The following COL20A1 variants were observed in gnomAD, a reference collection of about 807,000 sequenced individuals.
COL20A1 encodes the protein collagen alpha-1(XX) chain.
In COL20A1, 164 loss-of-function variants were observed where a neutral mutation model predicts 152.9. That is an observed-to-expected ratio of 1.07 (90% CI 0.94 to 1.22). The LOEUF (loss-of-function observed/expected upper bound fraction) is 1.22, where lower values mean the gene tolerates loss of function less well. Ranked by LOEUF, COL20A1 falls within the 50% of genes most tolerant of loss-of-function variation. The pLI is 0.00. For missense variants in COL20A1, 1,873 were observed against 1,744.8 expected (o/e 1.07, Z -1.31); for synonymous variants, 864 against 756.0 (o/e 1.14, Z -2.34).
rs372046790 is a variant in COL20A1 at position 63,329,617 on chromosome 20, C to T, written c.3814C>T (p.Pro1272Ser). 1 of 1,607,714 alleles carries T rather than the reference C, an allele frequency of 6.2e-7. No homozygotes were observed. The highest frequency in any genetic ancestry group is 8.5e-7 in the Non-Finnish European group (1 of 1,178,738). Residue 1272 changes from proline (P) to serine (S), a missense_variant, in exon 35 of 36, where the codon CCT becomes TCT. Coordinates refer to ENST00000358894, the MANE Select transcript of COL20A1 (RefSeq NM_020882.4). The part of the protein sequence containing the change: ...EPGAVGQMGS[P>S]GQQGASTQGL... ...TGGAGCTGTTGGTCAGATGGGCAGC[C>T]CTGGGCAGCAGGGGGCTAGCACCCA...
intron 31 of COL20A1, chr20:63,327,725 C>T: frequency 1.7e-6 from 1 of 587,320 alleles, no homozygotes; most frequent in Middle Eastern, 4.6e-4. Context: ...CAAGTTCCAG[C>T]CCCACTCAGG....
At chr20:63,315,582 G>T in intron 20 of COL20A1, 143 bp downstream of exon 20, 1 of 728,852 alleles carries the variant, frequency 1.4e-6, no homozygotes, top group East Asian at 2.8e-5. Flanking sequence ...CTCCACAGAC[G>T]TCCCTGTGGC....
chr20:63,330,246 A>T (rs1003860250), intron 35 of COL20A1, among the ~76,000 whole-genome samples: 15 of 152,126 alleles, frequency 9.9e-5, no homozygotes, highest in African/African-American at 3.6e-4. Context: ...TCCCAGGAGC[A>T]GGTGGTGGGT....
At chr20:63,294,656 G>A (rs1370348338) in intron 1 of COL20A1, among the ~76,000 whole-genome samples, 1 of 152,148 alleles carries the variant, frequency 6.6e-6, no homozygotes, top group Non-Finnish European at 1.5e-5. Context: ...GCGAGGCTGG[G>A]GCCACAGGGA....
rs368051930 is a variant in COL20A1, at chr20:63,311,589, G to A, written c.1540-36G>A. On this transcript the variant is annotated intron_variant, in intron 12 of 35. Transcript: ENST00000358894. This position sits in a 1 kb window ranked among gnomAD's most constrained non-coding sequence, Gnocchi z 4.4. ...GGGAGGCAGAGGAGTGGGGCAGAGC[G>A]AGTGGGGGCTGGCCTGGGACGTCAT... 1.6e-5 allele frequency: 25 copies of A among 1,610,332 alleles called. No homozygotes were observed. Among genetic ancestry groups the A allele is most frequent in the East Asian group, 2.2e-5 (1 of 44,868 alleles).
chr20:63,328,185 C>G lies in COL20A1; in HGVS notation c.3613+58C>G, dbSNP rs1157504996. ...CAGCCCTGCACCTGTGCCTACCACA[C>G]CTGTCTGTCCTCACACTGGCCAGGC... is the stretch of plus-strand genomic sequence containing the variant. On this transcript the variant is annotated intron_variant, in intron 33 of 35. Coordinates refer to ENST00000358894, the MANE Select transcript of COL20A1 (RefSeq NM_020882.4). 3 of 1,596,926 alleles carry G rather than the reference C, an allele frequency of 1.9e-6. No homozygotes were observed. The African/African-American group carries it at 4.0e-5, about 21-fold the overall frequency.
rs377269171 is a variant in COL20A1 at position 63,325,331 on chromosome 20, G to A, written c.3295-110G>A. ...GTCCTGGAGGCCAGCAGGGCTCGCCGGGGACCCAGGGCCGTGCAGTCCAGG... is the reference window on the plus strand; with the variant it reads ...GTCCTGGAGGCCAGCAGGGCTCGCCAGGGACCCAGGGCCGTGCAGTCCAGG... On this transcript the variant is annotated intron_variant, in intron 27 of 35. Coordinates refer to ENST00000358894, the MANE Select transcript of COL20A1 (RefSeq NM_020882.4). The A allele has an allele frequency of 3.3e-4, 278 of 853,888 alleles. 4 individuals are homozygous for A. The highest frequency in any genetic ancestry group is 2.8e-3 in the South Asian group (201 of 71,854). 52.9% of individuals were successfully genotyped at this position (853,888 alleles called of 1,614,324 possible).
intron 31 of COL20A1, chr20:63,327,444 G>A: frequency 5.6e-6 from 1 of 178,172 alleles, no homozygotes; most frequent in Non-Finnish European, 1.2e-5. Context: ...CAGGCTCCAT[G>A]GAGGGTAGGG....
intron 11 of COL20A1, 129 bp downstream of exon 11, chr20:63,310,639 TC>T: frequency 1.9e-6 from 2 of 1,054,572 alleles, no homozygotes; most frequent in South Asian, 1.7e-5. Flanking sequence ...GTTGGCACCA[TC>T]CCCAGCTTGC....
rs1053977313 is a variant in COL20A1, at chr20:63,310,430, C to G, written c.1313C>G (p.Ser438Cys). 11 of 1,610,316 alleles carry G rather than the reference C, an allele frequency of 6.8e-6. No individual in the cohort carries two copies. In the African/African-American group the frequency reaches 1.5e-4, roughly 22 times the overall value. The change falls in exon 11 of 36, where the codon TCC (serine) becomes TGC (cysteine). Residue 438 changes from serine to cysteine, a missense_variant. By Grantham distance (112) the Ser-to-Cys change is moderately radical (BLOSUM62 -1). Transcript: ENST00000358894. The stretch of plus-strand genomic sequence containing the variant: ...TCCACGGAGCTGCACAACCTGGCCT[C>G]CCGCACAGAGTACCTGGTCTCCGTG... ...AASTELHNLA[S>C]RTEYLVSVFP...
At chr20:63,297,334 TCAGGGGACCCAGCC>T (rs1181759793) in intron 2 of COL20A1, among the ~76,000 whole-genome samples, 6 of 146,928 alleles carry the variant, frequency 4.1e-5, no homozygotes, top group East Asian at 4.0e-4. Flanking sequence ...GGGACTTAGC[TCAGGGGACCCAGCC>T]CAGGGGACCC....
intron 3 of COL20A1, among the ~76,000 whole-genome samples, chr20:63,301,129 A>G (rs1432701879): frequency 1.3e-5 from 2 of 152,228 alleles, no homozygotes; most frequent in African/African-American, 4.8e-5. Context: ...ACCCTGTCCA[A>G]CATGGCAAAA....
At position 63,319,687 on chromosome 20, in the gene COL20A1, C is replaced by G. The variant is rs2068133468; in HGVS notation, c.2916+91C>G. 9 of 821,800 alleles carry G rather than the reference C, an allele frequency of 1.1e-5. No individual in the cohort carries two copies. Among genetic ancestry groups the G allele is most frequent in the African/African-American group, 1.7e-5 (1 of 59,058 alleles). The allele number at this position is 821,800 out of a possible 1,614,324, so 50.9% of individuals were successfully genotyped here. ...GACCTGCCGGATGCCAACTCCTCTC[C>G]CTAGGAGAGCAGGACCTTCCTTGGG... On this transcript the variant is annotated intron_variant, in intron 23 of 35. Coordinates refer to ENST00000358894, the MANE Select transcript of COL20A1 (RefSeq NM_020882.4). The surrounding 1 kb of genome is among the most constrained non-coding windows in gnomAD (Gnocchi z 4.4).
intron 26 of COL20A1, 85 bp downstream of exon 26, chr20:63,321,184 T>C: frequency 1.2e-6 from 1 of 859,042 alleles, no homozygotes; most frequent in South Asian, 1.5e-5. Context: ...ACCCAGGCCC[T>C]CCCGCCCCGG....
At position 63,309,003 on chromosome 20, in the gene COL20A1, C is replaced by T. The variant is rs574365043; in HGVS notation, c.940+297C>T. ...AGCAGCTCCAGCTGCCCCCTCTGGC[C>T]ACCATCCCTGTGCCTGGTGACTCCC... is the stretch of plus-strand genomic sequence containing the variant. On this transcript the variant is annotated intron_variant, in intron 8 of 35. Coordinates refer to ENST00000358894, the MANE Select transcript of COL20A1 (RefSeq NM_020882.4). Among the ~76,000 whole-genome samples, 6 of 152,312 alleles carry T rather than the reference C, an allele frequency of 3.9e-5. 1 individual carries two copies. In the South Asian group the frequency reaches 1.2e-3, roughly 32 times the overall value.
chr20:63,322,704 C>T (rs563406437), intron 27 of COL20A1, among the ~76,000 whole-genome samples: 7 of 152,334 alleles, frequency 4.6e-5, no homozygotes, highest in Non-Finnish European at 8.8e-5. Flanking sequence ...AAACATTTAC[C>T]TAAACCACGG....
chr20:63,327,023 CT>C (rs1406940732), intron 31 of COL20A1, among the ~76,000 whole-genome samples, 200 bp downstream of exon 31: 2 of 151,990 alleles, frequency 1.3e-5, no homozygotes, highest in African/African-American at 2.4e-5. Context: ...GTTGACCCCC[CT>C]AGGGACTTCC....
intron 26 of COL20A1, among the ~76,000 whole-genome samples, chr20:63,321,755 G>A (rs559499708): frequency 9.2e-4 from 140 of 152,320 alleles, no homozygotes; most frequent in Non-Finnish European, 1.6e-3. Context: ...GTGACGGCTG[G>A]GGCTTCCAGA....
chr20:63,308,263 G>C (rs1227200789), intron 7 of COL20A1, among the ~76,000 whole-genome samples, 173 bp downstream of exon 7: 2 of 152,224 alleles, frequency 1.3e-5, no homozygotes, highest in African/African-American at 4.8e-5. Context: ...ATGAAAACGA[G>C]GGCCTGTGTC....
Sources: gnomAD v4.1 joint callset for allele counts (sites outside exome capture counted in the v4.1 genomes callset) on GRCh38, gnomAD v4.1.1 for gene constraint, Gnocchi (gnomAD v3.1) non-coding constraint, MANE v1.5 for transcripts, NCBI Gene and HGNC (gene_info 2026-07-23, HGNC 2026-07-21) for gene names.